TBX5: variants seen among roughly 807,000 people sequenced by gnomAD.
TBX5 encodes T-box transcription factor TBX5.
Under a neutral mutation model 51.1 loss-of-function variants are expected in TBX5, and 8 were observed. The ratio of observed to expected loss-of-function variants is 0.16; its 90% CI spans 0.09 to 0.28. TBX5 has a LOEUF of 0.28. TBX5 is among the 10% of genes least tolerant of loss of function. TBX5 has a pLI of 1.00. For synonymous variants in TBX5, 302 were observed against 266.4 expected (o/e 1.13, Z -1.30); for missense variants, 589 against 671.7 (o/e 0.88, Z 1.36).
chr12:114,389,627 A>G (rs4767243), intron 6 of TBX5, among the ~76,000 whole-genome samples: 87,183 of 141,560 alleles, frequency 0.62, 27,192 homozygotes, highest in Admixed American at 0.74. Context: ...AGTGGCGGGC[A>G]CCTGTAGTCC....
intron 2 of TBX5, among the ~76,000 whole-genome samples, chr12:114,403,448 T>C (rs746862976): frequency 2.0e-5 from 3 of 152,228 alleles, no homozygotes; most frequent in Non-Finnish European, 4.4e-5. Context: ...CATTGTTAGC[T>C]GACCCCAAAC....
At chr12:114,387,211 T>C (rs1175952716) in intron 6 of TBX5, among the ~76,000 whole-genome samples, 3 of 152,188 alleles carry the variant, frequency 2.0e-5, no homozygotes, top group African/African-American at 4.8e-5. Context: ...TTCCCAGTAG[T>C]ATAGTTACAG....
At chr12:114,357,477 T>C (rs1327730907) in intron 8 of TBX5, among the ~76,000 whole-genome samples, 1 of 152,218 alleles carries the variant, frequency 6.6e-6, no homozygotes, top group Non-Finnish European at 1.5e-5. Context: ...ATCTGCGTGA[T>C]ACCAGCAGGG....
chr12:114,377,707 C>T (rs1411106607), intron 7 of TBX5, among the ~76,000 whole-genome samples: 1 of 151,948 alleles, frequency 6.6e-6, no homozygotes, highest in Admixed American at 6.6e-5. Context: ...ACATGAGCCA[C>T]CACACCTAGC....
intron 8 of TBX5, among the ~76,000 whole-genome samples, chr12:114,357,023 G>GATGGATGCATGGATGC (rs1373427783): frequency 2.7e-5 from 3 of 113,004 alleles, no homozygotes; most frequent in African/African-American, 5.9e-5. Flanking sequence ...TGGATGGATG[G>GATGGATGCATGGATGC]ATGGATGCAT....
At chr12:114,376,272 TATACAC>T (rs1870183653) in intron 7 of TBX5, among the ~76,000 whole-genome samples, 1 of 148,496 alleles carries the variant, frequency 6.7e-6, no homozygotes, top group Non-Finnish European at 1.5e-5. Flanking sequence ...TGTGTATATA[TATACAC>T]ACACACACAC....
chr12:114,372,740 T>A (rs905557038), intron 7 of TBX5, among the ~76,000 whole-genome samples: 1 of 152,134 alleles, frequency 6.6e-6, no homozygotes, highest in Non-Finnish European at 1.5e-5. Context: ...GTCCCACTTG[T>A]TAAATCTGTA....
intron 3 of TBX5, among the ~76,000 whole-genome samples, chr12:114,400,703 G>C (rs1371769179): frequency 6.6e-6 from 1 of 152,236 alleles, no homozygotes; most frequent in African/African-American, 2.4e-5. Context: ...AGGCTCGGGG[G>C]GAAAGAGGGA....
intron 1 of TBX5, among the ~76,000 whole-genome samples, chr12:114,404,542 C>T (rs1204606047): frequency 2.6e-5 from 4 of 152,148 alleles, no homozygotes; most frequent in African/African-American, 7.2e-5. Context: ...TCATATACAC[C>T]TTTTACCAGT....
chr12:114,390,492 A>G (rs1871094430), intron 6 of TBX5, among the ~76,000 whole-genome samples: 1 of 152,268 alleles, frequency 6.6e-6, no homozygotes, highest in African/African-American at 2.4e-5. Flanking sequence ...TCCAACTGAG[A>G]CAGAGGTTGT....
At chr12:114,367,459 G>A (rs995038651) in intron 7 of TBX5, among the ~76,000 whole-genome samples, 3 of 151,980 alleles carry the variant, frequency 2.0e-5, no homozygotes, top group Non-Finnish European at 2.9e-5. Context: ...TCAAAATCTG[G>A]CCCCTCACAC....
chr12:114,379,892 T>C (rs1296460758), intron 7 of TBX5, among the ~76,000 whole-genome samples: 1 of 152,214 alleles, frequency 6.6e-6, no homozygotes, highest in Non-Finnish European at 1.5e-5. Flanking sequence ...TTTCCCATTC[T>C]GCAAAAGAGA....
chr12:114,368,511 C>T (rs1306648963), intron 7 of TBX5, among the ~76,000 whole-genome samples: 1 of 152,176 alleles, frequency 6.6e-6, no homozygotes, highest in Non-Finnish European at 1.5e-5. Context: ...TCCCATTTTA[C>T]AGATGAGGAA....
intron 7 of TBX5, among the ~76,000 whole-genome samples, chr12:114,373,091 T>C (rs1435569101): frequency 6.6e-6 from 1 of 152,072 alleles, no homozygotes; most frequent in Admixed American, 6.6e-5. Flanking sequence ...GCAGAGGTTC[T>C]TACCCAGCAA....
rs765126125 is a variant in TBX5, at chr12:114,397,375, G to T, written c.510+1198C>A. ...CTCCTGTGCAAAAGCTATGCCTCCC[G>T]TCCGCCCCCTAGGCTGCCGTGAGAA... is the stretch of plus-strand genomic sequence containing the variant. On this transcript the variant is annotated intron_variant, in intron 5 of 8. Transcript: ENST00000405440. Among the ~76,000 whole-genome samples the T allele has an allele frequency of 1.4e-4, 21 of 152,216 alleles. No individual in the cohort carries two copies. In the Middle Eastern group the frequency reaches 0.01, roughly 74 times the overall value.
At chr12:114,359,477 G>A (rs1240087932) in intron 8 of TBX5, among the ~76,000 whole-genome samples, 1 of 152,164 alleles carries the variant, frequency 6.6e-6, no homozygotes, top group Admixed American at 6.5e-5. Flanking sequence ...TAAGTATCAA[G>A]TCTTCTGATG....
chr12:114,402,285 A>G (rs1411077123), intron 2 of TBX5, among the ~76,000 whole-genome samples: 1 of 152,128 alleles, frequency 6.6e-6, no homozygotes, highest in Non-Finnish European at 1.5e-5. Flanking sequence ...CAAACCAAAA[A>G]AAAAAAACCA....
In TBX5 at chr12:114,355,844, C is replaced by T. The variant is rs1868865712; in HGVS notation, c.1245G>A (p.Val415=). The change falls in exon 9 of 9, where the codon GTG becomes GTA. Residue 415 remains valine, a synonymous_variant. Transcript: ENST00000405440. ...PSYSSCTVTT[V]QPMDRLPYQH... is the part of the protein sequence containing the mutation. ...GGTAGGGTAGCCTGTCCATGGGCTG[C>T]ACGGTGGTGACGGTGCAGCTGCTGT... The T allele has an allele frequency of 6.2e-7, 1 of 1,613,812 alleles. No homozygotes were observed. Among genetic ancestry groups the T allele is most frequent in the African/African-American group, 1.3e-5 (1 of 74,934 alleles).
chr12:114,376,794 T>G (rs1459910038), intron 7 of TBX5, among the ~76,000 whole-genome samples: 3 of 151,848 alleles, frequency 2.0e-5, no homozygotes, highest in Non-Finnish European at 2.9e-5. Context: ...CCTAAGTATA[T>G]ACACTTTTTG....
Sources: allele counts gnomAD v4.1 joint callset (sites outside exome capture counted in the v4.1 genomes callset), GRCh38; gene constraint gnomAD v4.1.1; transcripts MANE v1.5; gene names NCBI Gene and HGNC (gene_info 2026-07-23, HGNC 2026-07-21).